MXRA5: variants seen among roughly 807,000 people sequenced by gnomAD.
MXRA5 encodes the protein matrix-remodeling-associated protein 5.
MXRA5 carries 41 observed loss-of-function variants against 112.5 expected under a neutral mutation model. That is an observed-to-expected ratio of 0.36 (90% CI 0.28 to 0.47). MXRA5 has a LOEUF of 0.47. Ranked by LOEUF, MXRA5 falls within the 20% of genes least tolerant of loss-of-function variation. The pLI, the probability that MXRA5 is intolerant of heterozygous loss-of-function variation, is 0.99. For missense variants in MXRA5, 2,150 were observed against 2,251.0 expected, an observed-to-expected ratio of 0.96 and a Z score of 0.91; for synonymous variants, 862 against 900.8, an observed-to-expected ratio of 0.96 and a Z score of 0.77.
intron 2 of MXRA5, among the ~76,000 whole-genome samples, chrX:3,341,969 C>G (rs1421026765): frequency 9.2e-6 from 1 of 108,996 alleles, no homozygotes; most frequent in Non-Finnish European, 1.9e-5. Flanking sequence ...GCACCTTCCC[C>G]CAGGATTCAA....
Position 3,343,727 on chromosome X carries a change from G to A in MXRA5, c.107C>T (p.Pro36Leu), listed in dbSNP as rs746799233. The A allele has an allele frequency of 8.3e-6, 10 of 1,209,970 alleles. No homozygotes were observed. Among genetic ancestry groups the A allele is most frequent in the Admixed American group, 2.2e-5 (1 of 45,751 alleles). ...ACPHPCACYV[P>L]SEVHCTFRSL... is the part of the protein sequence containing the mutation. ...TCGGAACGTGCAGTGGACCTCGCTG[G>A]GGACGTAGCAGGCACAAGGATGCGG... is the stretch of plus-strand genomic sequence containing the variant. The change falls in exon 2 of 7, where the codon CCC becomes CTC. Residue 36 changes from proline (P) to leucine (L), a missense_variant. Transcript: ENST00000217939.
In MXRA5 at chrX:3,317,287, G is replaced by C. The variant is rs1380737421; in HGVS notation, c.6394C>G (p.Arg2132Gly). Residue 2132 changes from arginine (R) to glycine (G), a missense_variant, in exon 6 of 7, where the codon CGC (arginine) becomes GGC (glycine). Coordinates refer to ENST00000217939, the MANE Select transcript of MXRA5 (RefSeq NM_015419.4). ...CVAANLVGSA[R>G]RTVQLNVQRA... is the part of the protein sequence containing the mutation. The stretch of plus-strand genomic sequence containing the variant: ...TGCACGTTCAGCTGCACCGTCCTGC[G>C]CGCGGAGCCTACCAGGTTGGCGGCC... The C allele has an allele frequency of 9.1e-6, 11 of 1,205,500 alleles. No homozygotes were observed. Among genetic ancestry groups the C allele is most frequent in the Non-Finnish European group, 1.1e-5 (10 of 892,434 alleles).
At chrX:3,317,066 C>A in intron 6 of MXRA5, 37 bp downstream of exon 6, 1 of 1,105,391 alleles carries the variant, frequency 9.0e-7, no homozygotes, top group Non-Finnish European at 1.2e-6. Flanking sequence ...GGGCCACCAG[C>A]CCAGCGATTT....
intron 6 of MXRA5, among the ~76,000 whole-genome samples, chrX:3,311,836 G>A (rs1281863615): frequency 8.9e-6 from 1 of 112,357 alleles, no homozygotes; most frequent in East Asian, 2.8e-4. Context: ...TCTGATGTTA[G>A]GCTGGCCTGA....
intron 5 of MXRA5, 34 bp downstream of exon 5, chrX:3,319,973 CA>C (rs113639501): frequency 0.12 from 81,384 of 689,464 alleles, 184 homozygotes; most frequent in African/African-American, 0.16. Flanking sequence ...AAAAATTGAC[CA>C]AAAAAAAAAA....
intron 2 of MXRA5, among the ~76,000 whole-genome samples, chrX:3,334,320 C>T (rs781663790): frequency 6.3e-5 from 7 of 111,767 alleles, no homozygotes; most frequent in East Asian, 2.8e-4. Context: ...TCACGTTGCC[C>T]GCTGGCTATC....
chrX:3,322,897 C>T lies in MXRA5; in HGVS notation c.2788G>A (p.Val930Ile). Reference protein sequence around the residue: ...PSPTLHTLDTVYEKPTHEETA... With the variant: ...PSPTLHTLDTIYEKPTHEETA... ...TCTTCATGGGTGGGCTTTTCATAGACTGTGTCTAATGTGTGCAGAGTAGGA... is the reference window on the plus strand; with the variant it reads ...TCTTCATGGGTGGGCTTTTCATAGATTGTGTCTAATGTGTGCAGAGTAGGA... The change falls in exon 5 of 7, where the codon GTC (valine) becomes ATC (isoleucine). Residue 930 changes from valine (V) to isoleucine (I), a missense_variant. This residue lies in a region of MXRA5 where 1,485 missense variants were observed against 1,471.6 expected (regional missense o/e 1.01). Coordinates refer to ENST00000217939, the MANE Select transcript of MXRA5 (RefSeq NM_015419.4). 1 of 1,211,414 alleles carries T rather than the reference C, an allele frequency of 8.3e-7. No homozygotes were observed.
In MXRA5 at chrX:3,311,370, C is replaced by T; in HGVS notation, c.6833G>A (p.Ser2278Asn). The part of the protein sequence containing the change: ...TGLPNPEISW[S>N]LPDGSLVNSF... ...GTTCACCAGACTCCCGTCTGGGAGG[C>T]TCCAGGAGATCTCGGGATTGGGAAG... The change falls in exon 7 of 7, where the codon AGC becomes AAC. Residue 2278 changes from serine to asparagine, a missense_variant. Around this residue, in one of 6 missense-constraint regions of MXRA5, gnomAD observed 1,485 missense variants for 1,471.6 expected, o/e 1.01. Coordinates refer to ENST00000217939, the MANE Select transcript of MXRA5 (RefSeq NM_015419.4). 1 of 1,212,076 alleles carries T rather than the reference C, an allele frequency of 8.3e-7. No individual in the cohort carries two copies. The highest frequency in any genetic ancestry group is 1.1e-6 in the Non-Finnish European group (1 of 895,601).
chrX:3,314,745 C>T (rs1263260369), intron 6 of MXRA5, among the ~76,000 whole-genome samples: 4 of 106,131 alleles, frequency 3.8e-5, no homozygotes, highest in African/African-American at 1.4e-4. Context: ...GCAGCATCTC[C>T]GGGCTCCACC....
chrX:3,327,030 C>T (rs1259724240), intron 4 of MXRA5, among the ~76,000 whole-genome samples: 1 of 111,070 alleles, frequency 9.0e-6, no homozygotes, highest in Non-Finnish European at 1.9e-5. Context: ...AATCTCGTGC[C>T]TGTTCTATCT....
At chrX:3,332,330 C>T (rs1167299649) in intron 2 of MXRA5, among the ~76,000 whole-genome samples, 7 of 110,988 alleles carry the variant, frequency 6.3e-5, no homozygotes, top group East Asian at 2.8e-4. Flanking sequence ...CTGTAAGCTC[C>T]GCCTCCCAGG....
chrX:3,332,308 C>A (rs806627), intron 2 of MXRA5, among the ~76,000 whole-genome samples: 4 of 108,988 alleles, frequency 3.7e-5, no homozygotes, highest in South Asian at 4.0e-4. Flanking sequence ...TGCAGTGGCC[C>A]ATCTCGGCTC....
rs41308359 is a variant in MXRA5 at position 3,310,360 on chromosome X, G to A, written c.7843C>T (p.Arg2615Cys). 216 of 1,201,590 alleles carry A rather than the reference G, an allele frequency of 1.8e-4. No homozygotes were observed. Among genetic ancestry groups the A allele is most frequent in the Non-Finnish European group, 2.3e-4 (208 of 890,375 alleles). Residue 2615 changes from arginine to cysteine, a missense_variant, in exon 7 of 7, where the codon CGC (arginine) becomes TGC (cysteine). Transcript: ENST00000217939. ...CCAGCGGCATTGCGGGCCACGCAGC[G>A]GTAGGCCCCGGCGTCCACCGAGGAG... The part of the protein sequence containing the change: ...GLSSVDAGAY[R>C]CVARNAAGHT...
At chrX:3,338,958 TTAGATAGA>T (rs749467757) in intron 2 of MXRA5, among the ~76,000 whole-genome samples, 1,628 of 80,796 alleles carry the variant, frequency 0.02, 15 homozygotes, top group South Asian at 0.038. Flanking sequence ...AGATAGATAG[TTAGATAGA>T]TAGATAGATA....
At chrX:3,326,717 G>T (rs1185687507) in intron 4 of MXRA5, among the ~76,000 whole-genome samples, 1 of 109,999 alleles carries the variant, frequency 9.1e-6, no homozygotes, top group Non-Finnish European at 1.9e-5. Context: ...CCACAACTGG[G>T]TCTCAGTCAC....
chrX:3,345,314 G>T (rs907511358), intron 1 of MXRA5, among the ~76,000 whole-genome samples: 7 of 112,657 alleles, frequency 6.2e-5, no homozygotes, highest in African/African-American at 2.3e-4. Context: ...AAGCAAGTCC[G>T]GGCTCCGCCT....
In MXRA5 at chrX:3,346,625, C is replaced by T. The variant is rs1041185766; in HGVS notation, c.-139G>A. Reference sequence around the variant, plus strand: ...GCCGGGGCCATGCCCTTCCCGGGGCCGGGGGTGAGGCAGCTCGGCTTCCCA... The same window carrying T: ...GCCGGGGCCATGCCCTTCCCGGGGCTGGGGGTGAGGCAGCTCGGCTTCCCA... On this transcript the variant is annotated 5_prime_UTR_variant, in exon 1 of 7. Transcript: ENST00000217939. 6 of 704,189 alleles carry T rather than the reference C, an allele frequency of 8.5e-6. No homozygotes were observed. Among genetic ancestry groups the T allele is most frequent in the African/African-American group, 2.3e-5 (1 of 43,007 alleles). The allele number at this position is 704,189 out of a possible 1,213,427, so 58.0% of individuals were successfully genotyped here. A position where few individuals can be genotyped will look rare whatever the true frequency, so the allele number is the denominator to read the frequency against.
rs781454072 is a variant in MXRA5 at position 3,317,603 on chromosome X, C to T, written c.6078G>A (p.Val2026=). 3 of 1,211,059 alleles carry T rather than the reference C, an allele frequency of 2.5e-6. No homozygotes were observed. The highest frequency in any genetic ancestry group is 2.2e-5 in the Admixed American group (1 of 46,130). Residue 2026 remains valine (V), a synonymous_variant, in exon 6 of 7, where the codon GTG becomes GTA. Transcript: ENST00000217939. ...SFSDRGVYKC[V]ASNAAGADSL... is the part of the protein sequence containing the mutation. ...TGTCCGCCCCGGCTGCATTGCTGGC[C>T]ACGCACTTATAGACGCCTCTGTCTG...
chrX:3,335,133 G>A (rs1921753506), intron 2 of MXRA5, among the ~76,000 whole-genome samples: 1 of 111,202 alleles, frequency 9.0e-6, no homozygotes, highest in Non-Finnish European at 1.9e-5. Context: ...TAAATGAAGT[G>A]TCAATCATGG....
Sources: allele counts gnomAD v4.1 joint callset (sites outside exome capture counted in the v4.1 genomes callset), GRCh38; gene constraint gnomAD v4.1.1; regional missense constraint gnomAD v4.1.1; transcripts MANE v1.5; gene names NCBI Gene and HGNC (gene_info 2026-07-23, HGNC 2026-07-21).